Variants in FANCI observed in about 807,000 individuals in gnomAD.
FANCI encodes FA complementation group I.
Under a neutral mutation model 176.1 loss-of-function variants are expected in FANCI, and 156 were observed. That is an observed-to-expected ratio of 0.89 (90% CI 0.78 to 1.01). The LOEUF (loss-of-function observed/expected upper bound fraction) is 1.01, where lower values mean the gene tolerates loss of function less well. Among genes scored for constraint, FANCI ranks in the 50% least tolerant of loss-of-function variants. The pLI, the probability that FANCI is intolerant of heterozygous loss-of-function variation, is 0.00. For missense variants in FANCI, 1,678 were observed against 1,534.1 expected (o/e 1.09, Z -1.57); for synonymous variants, 613 against 541.7 (o/e 1.13, Z -1.83).
At position 89,267,294 on chromosome 15, in the gene FANCI, T is replaced by G. The variant is rs140782355; in HGVS notation, c.756-1105T>G. Among the ~76,000 whole-genome samples, 370 of 150,430 alleles carry G rather than the reference T, an allele frequency of 2.5e-3. 8 individuals carry two copies. Among genetic ancestry groups the G allele is most frequent in the East Asian group, 0.015 (75 of 5,052 alleles). ...GAGATTGCACCTTTGCATTCCATCC[T>G]GGGCAATGGGAGTGAATCCTTGTCT... is the stretch of plus-strand genomic sequence containing the variant. On this transcript the variant is annotated intron_variant, in intron 9 of 37. Coordinates refer to ENST00000310775, the MANE Select transcript of FANCI (RefSeq NM_001113378.2).
At chr15:89,299,737 C>T (rs1165626146) in intron 24 of FANCI, 63 bp from the exon 25 acceptor site, 4 of 1,544,704 alleles carry the variant, frequency 2.6e-6, no homozygotes, top group Non-Finnish European at 3.5e-6. Flanking sequence ...AAGAATTTTA[C>T]TGTTTGTTAT....
chr15:89,292,395 A>G (rs2054101986), intron 20 of FANCI, among the ~76,000 whole-genome samples: 1 of 152,184 alleles, frequency 6.6e-6, no homozygotes, highest in Non-Finnish European at 1.5e-5. Context: ...ACTAGAGAAG[A>G]TTTAACTTCA....
chr15:89,282,550 T>C (rs1469693389), intron 16 of FANCI: 1 of 172,386 alleles, frequency 5.8e-6, no homozygotes, highest in African/African-American at 2.4e-5. Flanking sequence ...AATATATTCA[T>C]GGGTGTCCAG....
intron 15 of FANCI, 90 bp downstream of exon 15, chr15:89,281,390 C>G: frequency 2.1e-6 from 3 of 1,451,058 alleles, no homozygotes; most frequent in Non-Finnish European, 2.9e-6. Flanking sequence ...ATATATATGT[C>G]TAAGAAATTC....
chr15:89,247,602 C>T, intron 1 of FANCI, 27 bp from the exon 2 acceptor site: 1 of 1,498,632 alleles, frequency 6.7e-7, no homozygotes, highest in Non-Finnish European at 9.3e-7. Context: ...GGAATCTTCA[C>T]CCACCTCTGA....
chr15:89,255,550 TGTGATA>T (rs2052456462), intron 2 of FANCI, among the ~76,000 whole-genome samples: 5 of 152,328 alleles, frequency 3.3e-5, no homozygotes, highest in African/African-American at 1.2e-4. Flanking sequence ...TGCTTCCTGA[TGTGATA>T]CTCCGAGAAT....
At chr15:89,287,278 C>CAA (rs1230296645) in intron 18 of FANCI, among the ~76,000 whole-genome samples, 3 of 152,150 alleles carry the variant, frequency 2.0e-5, no homozygotes, top group Non-Finnish European at 2.9e-5. Flanking sequence ...CAGCCCCTTG[C>CAA]ACTTTTATGT....
At position 89,297,446 on chromosome 15, in the gene FANCI, G is replaced by A. The variant is rs1057276522; in HGVS notation, c.2636+2352G>A. Reference sequence around the variant, plus strand: ...GGAGGTTGTAGCGAGCCGAGATCACGCCACTGCACTCCAGCCTGGGCACCA... The same window carrying A: ...GGAGGTTGTAGCGAGCCGAGATCACACCACTGCACTCCAGCCTGGGCACCA... On this transcript the variant is annotated intron_variant, in intron 24 of 37. Transcript: ENST00000310775. 2.0e-5 allele frequency among the ~76,000 whole-genome samples: 3 copies of A among 149,296 alleles called. No individual in the cohort carries two copies. In the South Asian group the frequency reaches 6.3e-4, roughly 31 times the overall value.
At chr15:89,248,092 A>T (rs1356075767) in intron 2 of FANCI, among the ~76,000 whole-genome samples, 1 of 152,212 alleles carries the variant, frequency 6.6e-6, no homozygotes, top group Non-Finnish European at 1.5e-5. Context: ...TTGCATTTTG[A>T]TGCTTCTCTG....
intron 22 of FANCI, 101 bp downstream of exon 22, chr15:89,293,164 C>A: frequency 7.9e-7 from 1 of 1,262,686 alleles, no homozygotes; most frequent in Non-Finnish European, 1.1e-6. Flanking sequence ...AGACCACAGA[C>A]GATGACACTG....
intron 2 of FANCI, among the ~76,000 whole-genome samples, chr15:89,250,927 AAG>A (rs940046954): frequency 7.9e-5 from 12 of 151,926 alleles, no homozygotes; most frequent in Non-Finnish European, 1.6e-4. Context: ...ACCTAGAAAA[AAG>A]AGAAAGTAAA....
intron 18 of FANCI, among the ~76,000 whole-genome samples, chr15:89,287,057 T>C (rs1423624434): frequency 7.2e-6 from 1 of 138,480 alleles, no homozygotes; most frequent in Non-Finnish European, 1.5e-5. Flanking sequence ...CACTGCAACC[T>C]CCGCCACCCA....
At chr15:89,278,812 A>T (rs1266373783) in intron 14 of FANCI, 38 bp downstream of exon 14, 1 of 1,533,952 alleles carries the variant, frequency 6.5e-7, no homozygotes, top group Non-Finnish European at 9.0e-7. Context: ...GTTTTTAGAA[A>T]TATTTTCATT....
chr15:89,247,104 C>T (rs1222253975), intron 1 of FANCI, among the ~76,000 whole-genome samples: 1 of 148,704 alleles, frequency 6.7e-6, no homozygotes, highest in Non-Finnish European at 1.5e-5. Context: ...AGGGTCTTAC[C>T]TTGTTGCCTA....
Position 89,285,321 on chromosome 15 carries a change from T to G in FANCI, c.1821+103T>G, listed in dbSNP as rs1033333876. ...AAAAGTACAATAGCTATGCTCTTAC[T>G]TGATGTAGTCAGCACCAGTAGCTAG... On this transcript the variant is annotated intron_variant, in intron 18 of 37. Coordinates refer to ENST00000310775, the MANE Select transcript of FANCI (RefSeq NM_001113378.2). 5 of 1,466,076 alleles carry G rather than the reference T, an allele frequency of 3.4e-6. No individual in the cohort carries two copies. The African/African-American group carries it at 7.1e-5, about 21-fold the overall frequency. 90.8% of individuals were successfully genotyped at this position (1,466,076 alleles called of 1,614,324 possible).
chr15:89,260,610 A>C, intron 3 of FANCI, 103 bp from the exon 4 acceptor site: 1 of 1,452,788 alleles, frequency 6.9e-7, no homozygotes. Flanking sequence ...CAGTCGTTTG[A>C]TAATTCTGTT....
In FANCI at chr15:89,248,713, A is replaced by T. The variant is rs566045623; in HGVS notation, c.84+982A>T. ...TGTCAAATTGAAGACAGTGTTCCAG[A>T]TGTTTTCTGACTCTAGGATAGAGTA... On this transcript the variant is annotated intron_variant, in intron 2 of 37. Transcript: ENST00000310775. Among the ~76,000 whole-genome samples, 150 of 152,268 alleles carry T rather than the reference A, an allele frequency of 9.9e-4. 1 individual carries two copies. The highest frequency in any genetic ancestry group is 3.5e-3 in the African/African-American group (146 of 41,546).
At chr15:89,265,455 C>G (rs1379726767) in intron 9 of FANCI, among the ~76,000 whole-genome samples, 2 of 152,122 alleles carry the variant, frequency 1.3e-5, no homozygotes. Context: ...GATTCACCCT[C>G]CTCGGTCTCT....
At chr15:89,270,450 A>G (rs2053157733) in intron 10 of FANCI, among the ~76,000 whole-genome samples, 1 of 152,142 alleles carries the variant, frequency 6.6e-6, no homozygotes, top group Non-Finnish European at 1.5e-5. Context: ...TCGTTTTCCC[A>G]TCTATTGATG....
Sources: allele counts gnomAD v4.1 joint callset (sites outside exome capture counted in the v4.1 genomes callset), GRCh38; gene constraint gnomAD v4.1.1; transcripts MANE v1.5; gene names NCBI Gene and HGNC (gene_info 2026-07-23, HGNC 2026-07-21).